BRPF1: variants seen among roughly 807,000 people sequenced by gnomAD.
BRPF1 encodes the protein bromodomain and PHD finger containing 1.
Under a neutral mutation model 115.0 loss-of-function variants are expected in BRPF1, and 15 were observed. The ratio of observed to expected loss-of-function variants is 0.13; its 90% CI spans 0.09 to 0.20. BRPF1 has a LOEUF of 0.20. Ranked by LOEUF, BRPF1 falls within the 10% of genes least tolerant of loss-of-function variation. The pLI, the probability that BRPF1 is intolerant of heterozygous loss-of-function variation, is 1.00. For synonymous variants in BRPF1, 647 were observed against 619.8 expected, an observed-to-expected ratio of 1.04 and a Z score of -0.65; for missense variants, 1,118 against 1,638.3, an observed-to-expected ratio of 0.68 and a Z score of 5.48.
Position 9,734,238 on chromosome 3 carries a change from A to G in BRPF1, c.98A>G (p.Lys33Arg), listed in dbSNP as rs1257275637. 3 of 1,614,182 alleles carry G rather than the reference A, an allele frequency of 1.9e-6. No homozygotes were observed. Among genetic ancestry groups the G allele is most frequent in the South Asian group, 1.1e-5 (1 of 91,088 alleles). The change falls in exon 2 of 14, where the codon AAG becomes AGG. Residue 33 changes from lysine (K) to arginine (R), a missense_variant. Physicochemically the swap from Lys to Arg is conservative, Grantham distance 26. Coordinates refer to ENST00000383829, the MANE Select transcript of BRPF1 (RefSeq NM_001003694.2). The surrounding 1 kb of genome is among the most constrained non-coding windows in gnomAD (Gnocchi z 5.7). ...GTGGAGACCTGCCGAAAGGTCTACA[A>G]GAGTTACAGTGGTATTGAGTACCAC... Reference protein sequence around the residue: ...CPVETCRKVYKSYSGIEYHLY... With the variant: ...CPVETCRKVYRSYSGIEYHLY...
At chr3:9,742,908 A>G in intron 6 of BRPF1, 36 bp from the exon 7 acceptor site, 3 of 1,594,322 alleles carry the variant, frequency 1.9e-6, no homozygotes, top group Non-Finnish European at 2.6e-6. Context: ...TAAGGAGGAT[A>G]TCTCCACTTA....
chr3:9,742,198 C>G (rs770927744), intron 6 of BRPF1, 27 bp downstream of exon 6: 1 of 1,611,632 alleles, frequency 6.2e-7, no homozygotes, highest in Non-Finnish European at 8.5e-7. Context: ...CTCACTCCAC[C>G]TTCTCTCTGT....
intron 3 of BRPF1, among the ~76,000 whole-genome samples, chr3:9,740,519 C>A (rs920238261): frequency 3.3e-5 from 5 of 152,198 alleles, no homozygotes; most frequent in African/African-American, 1.2e-4. Context: ...CTAGAGCAGT[C>A]TTAGGGGCAG....
chr3:9,743,612 C>T lies in BRPF1; in HGVS notation c.2346C>T (p.Asn782=). 1 of 1,613,284 alleles carries T rather than the reference C, an allele frequency of 6.2e-7. No homozygotes were observed. The highest frequency in any genetic ancestry group is 8.5e-7 in the Non-Finnish European group (1 of 1,179,866). The change falls in exon 8 of 14, where the codon AAC becomes AAT. Residue 782 remains asparagine (N), a synonymous_variant. Coordinates refer to ENST00000383829, the MANE Select transcript of BRPF1 (RefSeq NM_001003694.2). This position sits in a 1 kb window ranked among gnomAD's most constrained non-coding sequence, Gnocchi z 6.1. ...AAGAGCGGCTGGTCTTGCTGGAGAA[C>T]CAGAAGCACCTGCCAGTGGAAGAAC... ...AEEERLVLLE[N]QKHLPVEEQL...
rs2077087776 is a variant in BRPF1 at position 9,744,442 on chromosome 3, A to G, written c.2854A>G (p.Arg952Gly). The change falls in exon 9 of 14, where the codon AGG becomes GGG. Residue 952 changes from arginine (R) to glycine (G), a missense_variant. By Grantham distance (125) the Arg-to-Gly change is moderately radical. Transcript: ENST00000383829. ...TTCCCTGCGTCAGCGCAAGCGGGGT[A>G]GGAGCCCCCGGCCCAGTTCGAGCTC... is the stretch of plus-strand genomic sequence containing the variant. ...MSSLRQRKRG[R>G]SPRPSSSSDS... The G allele has an allele frequency of 6.2e-7, 1 of 1,603,202 alleles. No homozygotes were observed. The highest frequency in any genetic ancestry group is 1.7e-5 in the Admixed American group (1 of 57,916).
intron 2 of BRPF1, among the ~76,000 whole-genome samples, chr3:9,737,812 G>C (rs992386692): frequency 6.6e-6 from 1 of 152,166 alleles, no homozygotes; most frequent in African/African-American, 2.4e-5. Flanking sequence ...AGCCTGATGG[G>C]GTAGTAGGCA....
chr3:9,745,672 C>T lies in BRPF1; in HGVS notation c.3168C>T (p.Ala1056=). 6.2e-7 allele frequency: 1 copy of T among 1,614,254 alleles called. No individual in the cohort carries two copies. The part of the protein sequence containing the change: ...SEDTSGTENE[A]YSVGTGRGVG... ...ATACCTCAGGCACTGAGAATGAGGC[C>T]TACTCCGTGGGCACTGGCCGCGGCG... Residue 1056 remains alanine (A), a synonymous_variant, in exon 11 of 14, where the codon GCC becomes GCT. Coordinates refer to ENST00000383829, the MANE Select transcript of BRPF1 (RefSeq NM_001003694.2). This position sits in a 1 kb window ranked among gnomAD's most constrained non-coding sequence, Gnocchi z 5.1.
At chr3:9,735,364 C>G (rs961067176) in intron 2 of BRPF1, among the ~76,000 whole-genome samples, 1 of 152,198 alleles carries the variant, frequency 6.6e-6, no homozygotes, top group Non-Finnish European at 1.5e-5. Context: ...GATTCAAACT[C>G]AGGTCCCTCT....
chr3:9,746,224 C>T, intron 12 of BRPF1, 76 bp from the exon 13 acceptor site: 2 of 1,470,344 alleles, frequency 1.4e-6, no homozygotes, highest in South Asian at 1.4e-5. Context: ...TTCAGACATA[C>T]TCTCTAAGTT....
At position 9,739,415 on chromosome 3, in the gene BRPF1, C is replaced by T; in HGVS notation, c.1016C>T (p.Ala339Val). 6.2e-7 allele frequency: 1 copy of T among 1,614,198 alleles called. No individual in the cohort carries two copies. The highest frequency in any genetic ancestry group is 8.5e-7 in the Non-Finnish European group (1 of 1,180,040). Reference protein sequence around the residue: ...DCALCPNKGGAFKQTDDGRWA... With the variant: ...DCALCPNKGGVFKQTDDGRWA... ...GCCCTGTGCCCCAACAAGGGCGGTGCCTTCAAGCAGACAGATGACGGGCGC... is the reference window on the plus strand; with the variant it reads ...GCCCTGTGCCCCAACAAGGGCGGTGTCTTCAAGCAGACAGATGACGGGCGC... The change falls in exon 3 of 14, where the codon GCC becomes GTC. Residue 339 changes from alanine to valine, a missense_variant. Ala to Val is a moderately conservative substitution (Grantham distance 64). Around this residue, in one of 10 missense-constraint regions of BRPF1, gnomAD observed 64 missense variants for 172.8 expected, o/e 0.37. Transcript: ENST00000383829.
At chr3:9,741,906 C>A in intron 5 of BRPF1, 119 bp from the exon 6 acceptor site, 1 of 1,160,112 alleles carries the variant, frequency 8.6e-7, no homozygotes, top group Non-Finnish European at 1.2e-6. Flanking sequence ...TGTATGAGTA[C>A]ACCCAGCTGT....
chr3:9,743,352 A>G lies in BRPF1; in HGVS notation c.2311+99A>G. ...GGAGCAGGCAGTGTAGGCAGAAAGC[A>G]GCTAGGCTGAGCAGTGGCAAGCTAT... On this transcript the variant is annotated intron_variant, in intron 7 of 13. Transcript: ENST00000383829. This position sits in a 1 kb window ranked among gnomAD's most constrained non-coding sequence, Gnocchi z 6.1. 6.9e-7 allele frequency: 1 copy of G among 1,453,528 alleles called. No homozygotes were observed. The highest frequency in any genetic ancestry group is 9.2e-7 in the Non-Finnish European group (1 of 1,085,036). 90.0% of individuals were successfully genotyped at this position (1,453,528 alleles called of 1,614,324 possible).
rs932384298 is a variant in BRPF1, at chr3:9,747,247, G to A, written c.3561G>A (p.Lys1187=). ...AGGAGAAGATGCTGGAGGGCCGCAA[G>A]TCCAACATCCGCAAGTCAGTACAGA... The part of the protein sequence containing the change: ...LDKEKMLEGR[K]SNIRKSVQIA... Residue 1187 remains lysine, a synonymous_variant, in exon 14 of 14, where the codon AAG becomes AAA. Transcript: ENST00000383829. This position sits in a 1 kb window ranked among gnomAD's most constrained non-coding sequence, Gnocchi z 5.6. The A allele has an allele frequency of 3.5e-5, 57 of 1,614,092 alleles. No homozygotes were observed. Among genetic ancestry groups the A allele is most frequent in the Non-Finnish European group, 4.6e-5 (54 of 1,180,064 alleles).
Position 9,747,727 on chromosome 3 carries a change from G to A in BRPF1, c.*378G>A, listed in dbSNP as rs566900631. The A allele has an allele frequency of 4.4e-5, 8 of 181,860 alleles. No individual in the cohort carries two copies. The South Asian group carries it at 4.6e-4, about 10-fold the overall frequency. 11.3% of individuals were successfully genotyped at this position (181,860 alleles called of 1,614,324 possible). On this transcript the variant is annotated 3_prime_UTR_variant, in exon 14 of 14. Transcript: ENST00000383829. The surrounding 1 kb of genome is among the most constrained non-coding windows in gnomAD (Gnocchi z 5.6). Reference sequence around the variant, plus strand: ...TAGAGGCCTGGGGCCCCTACCGGTCGTGAGGTGAGTGGGCATCTGTCCAGC... The same window carrying A: ...TAGAGGCCTGGGGCCCCTACCGGTCATGAGGTGAGTGGGCATCTGTCCAGC...
chr3:9,739,745 C>T lies in BRPF1; in HGVS notation c.1346C>T (p.Pro449Leu), dbSNP rs761643627. ...RKTAYCDIHT[P>L]PGSARRLPAL... Reference sequence around the variant, plus strand: ...ACAGCCTACTGCGACATCCACACGCCTCCAGGTTCAGCACGCCGACTGCCT... The same window carrying T: ...ACAGCCTACTGCGACATCCACACGCTTCCAGGTTCAGCACGCCGACTGCCT... The change falls in exon 3 of 14, where the codon CCT becomes CTT. Residue 449 changes from proline (P) to leucine (L), a missense_variant. Pro to Leu is a moderately conservative substitution (Grantham distance 98). Transcript: ENST00000383829. 10 of 1,614,118 alleles carry T rather than the reference C, an allele frequency of 6.2e-6. No individual in the cohort carries two copies. Among genetic ancestry groups the T allele is most frequent in the South Asian group, 1.1e-5 (1 of 91,086 alleles).
chr3:9,741,995 C>A, intron 5 of BRPF1, 30 bp from the exon 6 acceptor site: 1 of 1,612,736 alleles, frequency 6.2e-7, no homozygotes, highest in African/African-American at 1.3e-5. Context: ...CTGGCCGAGG[C>A]CTGGCTGATC....
Position 9,742,991 on chromosome 3 carries a change from C to T in BRPF1, c.2049C>T (p.Thr683=), listed in dbSNP as rs746028088. The change falls in exon 7 of 14, where the codon ACC becomes ACT. Residue 683 remains threonine (T), a synonymous_variant. Transcript: ENST00000383829. ...TCAAAAAGCCCATGGACTTTTTCACCATGAAGCAGAACTTGGAGGCTTACC... is the reference window on the plus strand; with the variant it reads ...TCAAAAAGCCCATGGACTTTTTCACTATGAAGCAGAACTTGGAGGCTTACC... ...DHIKKPMDFF[T]MKQNLEAYRY... is the part of the protein sequence containing the mutation. 1.2e-6 allele frequency: 2 copies of T among 1,614,188 alleles called. No individual in the cohort carries two copies. Among genetic ancestry groups the T allele is most frequent in the Admixed American group, 3.3e-5 (2 of 60,032 alleles).
chr3:9,734,527 C>G lies in BRPF1; in HGVS notation c.387C>G (p.Ala129=). The change falls in exon 2 of 14, where the codon GCC becomes GCG. Residue 129 remains alanine, a synonymous_variant. Transcript: ENST00000383829. This position sits in a 1 kb window ranked among gnomAD's most constrained non-coding sequence, Gnocchi z 5.7. The part of the protein sequence containing the change: ...VSEDEEAPEE[A]PENGSNKENT... The stretch of plus-strand genomic sequence containing the variant: ...AGGATGAGGAAGCCCCCGAGGAGGC[C>G]CCTGAGAATGGCAGCAACAAGGAGA... The G allele has an allele frequency of 6.2e-7, 1 of 1,614,064 alleles. No homozygotes were observed. Among genetic ancestry groups the G allele is most frequent in the Non-Finnish European group, 8.5e-7 (1 of 1,179,994 alleles).
chr3:9,740,017 C>G lies in BRPF1; in HGVS notation c.1559+59C>G, dbSNP rs1020242946. The G allele has an allele frequency of 3.4e-6, 5 of 1,481,542 alleles. No homozygotes were observed. In the African/African-American group the frequency reaches 7.0e-5, roughly 21 times the overall value. The allele number at this position is 1,481,542 out of a possible 1,614,324, so 91.8% of individuals were successfully genotyped here. On this transcript the variant is annotated intron_variant, in intron 3 of 13. Transcript: ENST00000383829. Reference sequence around the variant, plus strand: ...GAGAAAGGAGCCTCCAGGAGAGGAGCTGGCAGCCTCCTGAGTGGAATGGCA... The same window carrying G: ...GAGAAAGGAGCCTCCAGGAGAGGAGGTGGCAGCCTCCTGAGTGGAATGGCA...
Sources: gnomAD v4.1 joint callset for allele counts (sites outside exome capture counted in the v4.1 genomes callset) on GRCh38, gnomAD v4.1.1 for gene constraint, gnomAD v4.1.1 regional missense constraint, Gnocchi (gnomAD v3.1) non-coding constraint, MANE v1.5 for transcripts, NCBI Gene and HGNC (gene_info 2026-07-23, HGNC 2026-07-21) for gene names.